Variants in ARMH3 observed in about 807,000 individuals in gnomAD.
ARMH3 encodes armadillo-like helical domain-containing protein 3.
In ARMH3, 60 loss-of-function variants were observed where a neutral mutation model predicts 99.1. That is an observed-to-expected ratio of 0.61 (90% confidence interval 0.49 to 0.75). ARMH3 has a LOEUF of 0.75. Among genes scored for constraint, ARMH3 ranks in the 30% least tolerant of loss-of-function variants. ARMH3 has a pLI of 0.00. For missense variants in ARMH3, 679 were observed against 843.1 expected (o/e 0.81, Z 2.41); for synonymous variants, 285 against 292.8 (o/e 0.97, Z 0.27).
At chr10:102,013,227 A>C (rs1158481358) in intron 9 of ARMH3, among the ~76,000 whole-genome samples, 3 of 152,254 alleles carry the variant, frequency 2.0e-5, no homozygotes, top group African/African-American at 7.2e-5. Flanking sequence ...TCTCCAAAAC[A>C]GTCACAGCAA....
At chr10:101,987,655 G>T (rs534418847) in intron 19 of ARMH3, among the ~76,000 whole-genome samples, 47 of 152,288 alleles carry the variant, frequency 3.1e-4, no homozygotes, top group Admixed American at 1.2e-3. Context: ...GGTTATACAT[G>T]ATACTATGGC....
intron 2 of ARMH3, among the ~76,000 whole-genome samples, chr10:102,036,476 T>C (rs1456574358): frequency 6.6e-6 from 1 of 152,140 alleles, no homozygotes; most frequent in East Asian, 1.9e-4. Context: ...AGATTGTTGC[T>C]GTGTCTGTGT....
At chr10:101,976,708 G>A (rs1360353597) in intron 19 of ARMH3, among the ~76,000 whole-genome samples, 2 of 151,986 alleles carry the variant, frequency 1.3e-5, no homozygotes, top group Non-Finnish European at 2.9e-5. Context: ...TATAATTTAA[G>A]ATACCAGTCT....
intron 14 of ARMH3, among the ~76,000 whole-genome samples, chr10:102,002,367 C>T (rs529126739): frequency 1.3e-5 from 2 of 152,092 alleles, no homozygotes; most frequent in Admixed American, 1.3e-4. Context: ...CACTTCCTGC[C>T]CCAAGTATCC....
At chr10:101,900,015 T>C (rs139628634) in intron 23 of ARMH3, among the ~76,000 whole-genome samples, 63 of 152,308 alleles carry the variant, frequency 4.1e-4, no homozygotes, top group African/African-American at 1.4e-3. Context: ...CCATCTACAT[T>C]TCCATAAAAG....
Position 101,956,627 on chromosome 10 carries a change from G to A in ARMH3, c.1675C>T (p.His559Tyr). The change falls in exon 22 of 26, where the codon CAC becomes TAC. Residue 559 changes from histidine to tyrosine, a missense_variant. Physicochemically the swap from His to Tyr is moderately conservative, Grantham distance 83. Transcript: ENST00000370033. ...GAGTAGAGGTTGTCAAAGCTCTGGT[G>A]CATGCGGATAATCTCATAGTAAAGT... The part of the protein sequence containing the change: ...DELYYEIIRM[H>Y]QSFDNLYSMV... 1 of 1,613,680 alleles carries A rather than the reference G, an allele frequency of 6.2e-7. No homozygotes were observed. The highest frequency in any genetic ancestry group is 1.1e-5 in the South Asian group (1 of 91,046).
intron 10 of ARMH3, 29 bp from the exon 11 acceptor site, chr10:102,011,812 A>C: frequency 6.4e-7 from 1 of 1,562,746 alleles, no homozygotes; most frequent in African/African-American, 1.4e-5. Flanking sequence ...ATTCAACTTT[A>C]GGATTGTTTA....
rs921213734 is a variant in ARMH3, at chr10:101,940,958, T to G, written c.1706-1020A>C. Among the ~76,000 whole-genome samples the G allele has an allele frequency of 2.0e-5, 3 of 152,234 alleles. No individual in the cohort carries two copies. In the East Asian group the frequency reaches 5.8e-4, roughly 29 times the overall value. On this transcript the variant is annotated intron_variant, in intron 22 of 25. Coordinates refer to ENST00000370033, the MANE Select transcript of ARMH3 (RefSeq NM_024541.3). The stretch of plus-strand genomic sequence containing the variant: ...TAGGCACTCTAAGTGTATGTTTTAA[T>G]GAATGGCTAATTAATAAGGGCTAAA...
chr10:101,975,859 CA>C (rs1199122463), intron 19 of ARMH3, among the ~76,000 whole-genome samples: 58 of 112,052 alleles, frequency 5.2e-4, no homozygotes, highest in East Asian at 1.9e-3. Flanking sequence ...GATTACATCT[CA>C]AAAAAAAAAA....
intron 20 of ARMH3, among the ~76,000 whole-genome samples, chr10:101,959,850 C>G (rs1249218230): frequency 6.6e-6 from 1 of 152,190 alleles, no homozygotes; most frequent in Admixed American, 6.5e-5. Flanking sequence ...TTCTGCTCCC[C>G]CAAGAACCAA....
chr10:102,016,120 G>C (rs368753197), intron 8 of ARMH3, among the ~76,000 whole-genome samples: 1 of 152,230 alleles, frequency 6.6e-6, no homozygotes, highest in Admixed American at 6.5e-5. Context: ...GGGTAACAGA[G>C]TGAGACCCTG....
chr10:101,895,304 G>A (rs528185180), intron 23 of ARMH3, among the ~76,000 whole-genome samples: 1 of 149,458 alleles, frequency 6.7e-6, no homozygotes, highest in African/African-American at 2.5e-5. Context: ...TTTCGAGAGG[G>A]CGTCTCGCTC....
intron 24 of ARMH3, among the ~76,000 whole-genome samples, chr10:101,883,074 C>A (rs994875552): frequency 2.0e-5 from 3 of 152,110 alleles, no homozygotes; most frequent in African/African-American, 7.2e-5. Flanking sequence ...GGATGCATTT[C>A]TAATATGATG....
At chr10:101,869,572 T>C (rs1263550960) in intron 24 of ARMH3, among the ~76,000 whole-genome samples, 3 of 152,154 alleles carry the variant, frequency 2.0e-5, no homozygotes, top group Non-Finnish European at 4.4e-5. Context: ...CCAAAATTTG[T>C]GAGATGTTGT....
At chr10:102,046,197 A>G (rs1324576592) in intron 1 of ARMH3, among the ~76,000 whole-genome samples, 1 of 152,056 alleles carries the variant, frequency 6.6e-6, no homozygotes, top group African/African-American at 2.4e-5. Flanking sequence ...TTTTATCCTC[A>G]TATCAACCCT....
chr10:101,941,746 G>A (rs887230160), intron 22 of ARMH3, among the ~76,000 whole-genome samples: 2 of 152,314 alleles, frequency 1.3e-5, no homozygotes, highest in African/African-American at 4.8e-5. Context: ...AGGTTTCACT[G>A]AGTGCATGTG....
At chr10:101,980,499 A>G (rs1846179068) in intron 19 of ARMH3, among the ~76,000 whole-genome samples, 2 of 152,156 alleles carry the variant, frequency 1.3e-5, no homozygotes, top group South Asian at 4.2e-4. Flanking sequence ...GGGTTTTACC[A>G]TGTTGGCCAG....
intron 9 of ARMH3, 43 bp downstream of exon 9, chr10:102,013,925 A>G (rs745946267): frequency 2.0e-5 from 30 of 1,485,300 alleles, no homozygotes; most frequent in Non-Finnish European, 2.6e-5. Flanking sequence ...AATACCATTG[A>G]ATGCAAATAA....
intron 8 of ARMH3, among the ~76,000 whole-genome samples, chr10:102,015,585 TC>T (rs2066730368): frequency 6.6e-6 from 1 of 152,082 alleles, no homozygotes; most frequent in African/African-American, 2.4e-5. Context: ...AGACAGGGTT[TC>T]TCCATGTTGG....
Sources: gnomAD v4.1 joint callset for allele counts (sites outside exome capture counted in the v4.1 genomes callset) on GRCh38, gnomAD v4.1.1 for gene constraint, MANE v1.5 for transcripts, NCBI Gene and HGNC (gene_info 2026-07-23, HGNC 2026-07-21) for gene names.